Variants in PARD3 observed in about 807,000 individuals in gnomAD.
PARD3 encodes par-3 family cell polarity regulator, also known as partitioning defective 3 homolog.
Under a neutral mutation model 155.4 loss-of-function variants are expected in PARD3, and 75 were observed. That is an observed-to-expected ratio of 0.48 (90% confidence interval 0.40 to 0.58). PARD3 has a LOEUF of 0.58. PARD3 is among the 20% of genes least tolerant of loss of function. The probability of loss-of-function intolerance (pLI) is 0.00; values close to 1 mark genes in which losing one functional copy is unlikely to be tolerated. For missense variants in PARD3, 1,642 were observed against 1,721.7 expected, an observed-to-expected ratio of 0.95 and a Z score of 0.82; for synonymous variants, 576 against 610.5, an observed-to-expected ratio of 0.94 and a Z score of 0.83.
At chr10:34,564,927 C>T (rs940396042) in intron 2 of PARD3, among the ~76,000 whole-genome samples, 1 of 152,120 alleles carries the variant, frequency 6.6e-6, no homozygotes. Flanking sequence ...AATGTAGGTA[C>T]ATCTCTTATC....
At chr10:34,634,823 G>T (rs777297582) in intron 2 of PARD3, among the ~76,000 whole-genome samples, 9 of 152,200 alleles carry the variant, frequency 5.9e-5, no homozygotes, top group Non-Finnish European at 1.2e-4. Flanking sequence ...GTGATTTCTA[G>T]TTAAGATTGA....
intron 20 of PARD3, among the ~76,000 whole-genome samples, chr10:34,305,342 G>A (rs545588104): frequency 2.0e-5 from 3 of 152,316 alleles, no homozygotes; most frequent in East Asian, 1.9e-4. Flanking sequence ...ACCCCAGAGC[G>A]CCTCCAGTGG....
At chr10:34,148,089 A>G (rs1948604514) in intron 22 of PARD3, among the ~76,000 whole-genome samples, 1 of 152,218 alleles carries the variant, frequency 6.6e-6, no homozygotes, top group African/African-American at 2.4e-5. Context: ...TGGAAGCATC[A>G]GAAGCCCAGA....
At chr10:34,237,622 T>C (rs1953318517) in intron 22 of PARD3, among the ~76,000 whole-genome samples, 1 of 152,154 alleles carries the variant, frequency 6.6e-6, no homozygotes, top group African/African-American at 2.4e-5. Flanking sequence ...CATCTTTTGA[T>C]TACATAAACT....
chr10:34,222,259 G>A (rs562731686), intron 22 of PARD3, among the ~76,000 whole-genome samples: 2 of 152,210 alleles, frequency 1.3e-5, no homozygotes, highest in South Asian at 2.1e-4. Flanking sequence ...TTTTGCACAA[G>A]CCCTCACAAA....
intron 1 of PARD3, among the ~76,000 whole-genome samples, chr10:34,709,298 T>C (rs1395493290): frequency 6.6e-6 from 1 of 152,246 alleles, no homozygotes; most frequent in Non-Finnish European, 1.5e-5. Context: ...CAAGTTTGTG[T>C]TAAGTACTTA....
intron 5 of PARD3, among the ~76,000 whole-genome samples, chr10:34,444,019 G>C (rs560163039): frequency 2.6e-4 from 27 of 101,976 alleles, no homozygotes; most frequent in Middle Eastern, 4.2e-3. Flanking sequence ...CCTCCAGTTT[G>C]CCTGTTTGTA....
chr10:34,417,235 T>C (rs1054676164), intron 5 of PARD3, among the ~76,000 whole-genome samples: 1 of 152,198 alleles, frequency 6.6e-6, no homozygotes, highest in Non-Finnish European at 1.5e-5. Context: ...TCTACTGTAA[T>C]GCTGTGGTCT....
chr10:34,519,872 T>TAACATAACATAACAC (rs1554884096), intron 2 of PARD3, among the ~76,000 whole-genome samples: 61 of 146,446 alleles, frequency 4.2e-4, no homozygotes, highest in African/African-American at 1.5e-3. Flanking sequence ...TAACATAACA[T>TAACATAACATAACAC]AACATAACAT....
chr10:34,344,628 G>C (rs1274361791), intron 15 of PARD3: 2 of 985,218 alleles, frequency 2.0e-6, no homozygotes, highest in Non-Finnish European at 2.4e-6. Context: ...CCAACCATTA[G>C]AAAAATGTTT....
Position 34,331,143 on chromosome 10 carries a change from T to A in PARD3, c.2807A>T (p.Asp936Val). Residue 936 changes from aspartate to valine, a missense_variant, in exon 19 of 25, where the codon GAT becomes GTT. Asp to Val is a radical substitution (Grantham distance 152). Around this residue, in one of 3 missense-constraint regions of PARD3, gnomAD observed 1,529 missense variants for 1,587.3 expected, o/e 0.96. Coordinates refer to ENST00000374788, the MANE Select transcript of PARD3 (RefSeq NM_001184785.2). Reference protein sequence around the residue: ...IDKSYDKPAVDDDDEGMETLE... With the variant: ...IDKSYDKPAVVDDDEGMETLE... ...GGTCTCCATGCCTTCATCATCATCA[T>A]CTACCGCGGGTTTATCATAAGATTT... is the stretch of plus-strand genomic sequence containing the variant. 6.2e-7 allele frequency: 1 copy of A among 1,613,804 alleles called. No homozygotes were observed. The highest frequency in any genetic ancestry group is 8.5e-7 in the Non-Finnish European group (1 of 1,179,736).
In PARD3 at chr10:34,450,451, A is replaced by G. The variant is rs557643577; in HGVS notation, c.583-3T>C. ...AGGCTTCTGTAGTTTTCATCTTTCTATTCAAAAAGAAACAAAAAGGTGTCT... is the reference window on the plus strand; with the variant it reads ...AGGCTTCTGTAGTTTTCATCTTTCTGTTCAAAAAGAAACAAAAAGGTGTCT... On this transcript the variant is annotated splice_polypyrimidine_tract_variant and splice_region_variant and intron_variant, in intron 4 of 24. Transcript: ENST00000374788. The G allele has an allele frequency of 7.5e-6, 12 of 1,603,606 alleles. No homozygotes were observed. The East Asian group carries it at 2.2e-4, about 30-fold the overall frequency.
At chr10:34,567,081 CA>C (rs1364238474) in intron 2 of PARD3, among the ~76,000 whole-genome samples, 1 of 152,086 alleles carries the variant, frequency 6.6e-6, no homozygotes. Flanking sequence ...AAACAAATAA[CA>C]GGAAATGCAC....
intron 20 of PARD3, among the ~76,000 whole-genome samples, chr10:34,310,621 T>C (rs1957651924): frequency 6.6e-6 from 1 of 152,202 alleles, no homozygotes; most frequent in South Asian, 2.1e-4. Flanking sequence ...CTGGGCGCTG[T>C]GGATGTCAGA....
At chr10:34,225,434 C>T (rs1409224030) in intron 22 of PARD3, among the ~76,000 whole-genome samples, 2 of 151,960 alleles carry the variant, frequency 1.3e-5, no homozygotes, top group Non-Finnish European at 2.9e-5. Context: ...CAACCTCCAC[C>T]TCCCGGGTTC....
chr10:34,172,790 C>CA (rs1424862070), intron 22 of PARD3, among the ~76,000 whole-genome samples: 3 of 147,084 alleles, frequency 2.0e-5, no homozygotes, highest in Non-Finnish European at 4.5e-5. Flanking sequence ...AGCAAAATGA[C>CA]ATAAATGGGA....
intron 1 of PARD3, among the ~76,000 whole-genome samples, chr10:34,813,734 T>C (rs933385851): frequency 1.3e-5 from 2 of 152,168 alleles, no homozygotes; most frequent in African/African-American, 2.4e-5. Context: ...GTACGCTCAA[T>C]AGGGCTGACC....
chr10:34,594,361 G>C (rs1046850156), intron 2 of PARD3, among the ~76,000 whole-genome samples: 1 of 152,178 alleles, frequency 6.6e-6, no homozygotes, highest in Non-Finnish European at 1.5e-5. Context: ...TGAGGAAAGT[G>C]TGTACAGGCA....
chr10:34,294,443 C>G (rs1483518824), intron 20 of PARD3, among the ~76,000 whole-genome samples: 1 of 152,216 alleles, frequency 6.6e-6, no homozygotes, highest in African/African-American at 2.4e-5. Flanking sequence ...GCCCCAGGCT[C>G]TTTGCATAGC....
Sources: allele counts gnomAD v4.1 joint callset (sites outside exome capture counted in the v4.1 genomes callset), GRCh38; gene constraint gnomAD v4.1.1; regional missense constraint gnomAD v4.1.1; transcripts MANE v1.5; gene names NCBI Gene and HGNC (gene_info 2026-07-23, HGNC 2026-07-21).